The following CLPTM1L variants were observed in gnomAD, a reference collection of about 807,000 sequenced individuals.
The protein encoded by CLPTM1L is CLPTM1 like, also known as lipid scramblase CLPTM1L.
In CLPTM1L, 38 loss-of-function variants were observed where a neutral mutation model predicts 70.9. That is an observed-to-expected ratio of 0.54 (90% CI 0.41 to 0.70). CLPTM1L has a LOEUF of 0.70. Among genes scored for constraint, CLPTM1L ranks in the 30% least tolerant of loss-of-function variants. The pLI is 0.00. For missense variants in CLPTM1L, 652 were observed against 705.9 expected, an observed-to-expected ratio of 0.92 and a Z score of 0.87; for synonymous variants, 339 against 299.9, an observed-to-expected ratio of 1.13 and a Z score of -1.35.
At position 1,344,950 on chromosome 5, in the gene CLPTM1L, C is replaced by T. The variant is rs1195966098; in HGVS notation, c.-109G>A. The T allele has an allele frequency of 1.8e-6, 1 of 560,230 alleles. No homozygotes were observed. The highest frequency in any genetic ancestry group is 2.3e-6 in the Non-Finnish European group (1 of 442,990). 34.7% of individuals were successfully genotyped at this position (560,230 alleles called of 1,614,324 possible). A position where few individuals can be genotyped will look rare whatever the true frequency, so the allele number is the denominator to read the frequency against. Reference sequence around the variant, plus strand: ...GCTCCGCCGCTCACTGGAGAGCCGCCGCGCGCCACCGCCACCGCCGCGGGG... The same window carrying T: ...GCTCCGCCGCTCACTGGAGAGCCGCTGCGCGCCACCGCCACCGCCGCGGGG... On this transcript the variant is annotated 5_prime_UTR_variant, in exon 1 of 17. Coordinates refer to ENST00000320895, the MANE Select transcript of CLPTM1L (RefSeq NM_030782.5).
chr5:1,340,467 C>T (rs1481230870), intron 3 of CLPTM1L, among the ~76,000 whole-genome samples: 1 of 152,198 alleles, frequency 6.6e-6, no homozygotes, highest in Non-Finnish European at 1.5e-5. Context: ...TGCAGTTTAG[C>T]GATAATTTAC....
chr5:1,343,120 AC>A (rs1310091357), intron 2 of CLPTM1L, among the ~76,000 whole-genome samples: 1 of 152,080 alleles, frequency 6.6e-6, no homozygotes, highest in Non-Finnish European at 1.5e-5. Flanking sequence ...GAACCCGGGA[AC>A]CGGAGGTTGC....
At chr5:1,327,073 G>C (rs1307106117) in intron 9 of CLPTM1L, among the ~76,000 whole-genome samples, 1 of 81,434 alleles carries the variant, frequency 1.2e-5, no homozygotes, top group Non-Finnish European at 2.5e-5. Flanking sequence ...GCTCCTCCTC[G>C]ACAGGGACAT....
chr5:1,323,691 G>C, intron 12 of CLPTM1L, 96 bp downstream of exon 12: 1 of 1,024,186 alleles, frequency 9.8e-7, no homozygotes, highest in South Asian at 1.4e-5. Context: ...CCCCGGCCCC[G>C]AGTTTGCCCT....
In CLPTM1L at chr5:1,342,042, A is replaced by ATGTGTGTGTG. The variant is rs1560873128; in HGVS notation, c.264-183_264-182insCACACACACA. Among the ~76,000 whole-genome samples, 3 of 146,656 alleles carry ATGTGTGTGTG rather than the reference A, an allele frequency of 2.0e-5. No individual in the cohort carries two copies. Among genetic ancestry groups the ATGTGTGTGTG allele is most frequent in the Admixed American group, 6.7e-5 (1 of 14,838 alleles). On this transcript the variant is annotated intron_variant, in intron 2 of 16. Coordinates refer to ENST00000320895, the MANE Select transcript of CLPTM1L (RefSeq NM_030782.5). This position sits in a 1 kb window ranked among gnomAD's most constrained non-coding sequence, Gnocchi z 4.3. Reference sequence around the variant, plus strand: ...TGTGTGTGTGTGTGTGTGTGTGTGCACGCGCACGCGTGCGCGTCCTGAGAA... The same window carrying ATGTGTGTGTG: ...TGTGTGTGTGTGTGTGTGTGTGTGCATGTGTGTGTGCGCGCACGCGTGCGCGTCCTGAGAA...
At chr5:1,334,575 G>A (rs1753434275) in intron 6 of CLPTM1L, among the ~76,000 whole-genome samples, 192 bp from the exon 7 acceptor site, 1 of 152,124 alleles carries the variant, frequency 6.6e-6, no homozygotes, top group South Asian at 2.1e-4. Flanking sequence ...TAAACATGGT[G>A]AAACTCCATC....
At chr5:1,338,140 C>T (rs1247498128) in intron 4 of CLPTM1L, 158 bp from the exon 5 acceptor site, 21 of 651,066 alleles carry the variant, frequency 3.2e-5, no homozygotes, top group African/African-American at 1.3e-4. Flanking sequence ...CCTCCCCAAA[C>T]GGAAGCAGAG....
intron 3 of CLPTM1L, among the ~76,000 whole-genome samples, chr5:1,339,996 G>A (rs548982958): frequency 1.3e-5 from 2 of 152,244 alleles, no homozygotes; most frequent in South Asian, 4.1e-4. Flanking sequence ...AGATGGCCAC[G>A]CACAGGCACA....
rs1350089606 is a variant in CLPTM1L, at chr5:1,344,674, G to A, written c.162+6C>T. The A allele has an allele frequency of 6.4e-7, 1 of 1,550,642 alleles. No individual in the cohort carries two copies. The highest frequency in any genetic ancestry group is 2.0e-5 in the Admixed American group (1 of 51,110). On this transcript the variant is annotated splice_donor_region_variant and intron_variant, in intron 1 of 16. Transcript: ENST00000320895. ...CCGCCCGGCCCCCGGCCCCGCGGACGCTCACCTGCAGCTTGGGCCGCCGCG... is the reference window on the plus strand; with the variant it reads ...CCGCCCGGCCCCCGGCCCCGCGGACACTCACCTGCAGCTTGGGCCGCCGCG...
At chr5:1,322,776 A>T in intron 13 of CLPTM1L, 101 bp downstream of exon 13, 1 of 1,261,604 alleles carries the variant, frequency 7.9e-7, no homozygotes, top group Non-Finnish European at 1.2e-6. Flanking sequence ...ATTAGCCTCA[A>T]ATCACAGGGG....
At position 1,318,213 on chromosome 5, in the gene CLPTM1L, A is replaced by C; in HGVS notation, c.*156T>G. The C allele has an allele frequency of 1.6e-6, 1 of 639,472 alleles. No homozygotes were observed. Among genetic ancestry groups the C allele is most frequent in the Non-Finnish European group, 2.8e-6 (1 of 362,270 alleles). The allele number at this position is 639,472 out of a possible 1,614,324, so 39.6% of individuals were successfully genotyped here. ...GGCATCGTAAGCGCTACCAGCTCCA[A>C]ATCTGACGTGATGGGAACTTGGGAG... On this transcript the variant is annotated 3_prime_UTR_variant, in exon 17 of 17. Transcript: ENST00000320895. The surrounding 1 kb of genome is among the most constrained non-coding windows in gnomAD (Gnocchi z 8.9).
At chr5:1,339,085 G>A (rs1008934684) in intron 3 of CLPTM1L, 80 bp from the exon 4 acceptor site, 3 of 1,489,306 alleles carry the variant, frequency 2.0e-6, no homozygotes, top group East Asian at 2.4e-5. Context: ...CCTAACCTGC[G>A]AACAGAACGG....
rs1752493382 is a variant in CLPTM1L, at chr5:1,325,785, G to A, written c.1112C>T (p.Thr371Ile). The A allele has an allele frequency of 6.2e-7, 1 of 1,614,022 alleles. No homozygotes were observed. The highest frequency in any genetic ancestry group is 8.5e-7 in the Non-Finnish European group (1 of 1,179,944). The change falls in exon 10 of 17, where the codon ACT becomes ATT. Residue 371 changes from threonine (T) to isoleucine (I), a missense_variant. Transcript: ENST00000320895. ...GGGCATCAGGCCTCTCCAAAAAATA[G>A]TCATCTTCAATGCCTTCTTCACTTT... is the stretch of plus-strand genomic sequence containing the variant. The part of the protein sequence containing the change: ...LWKVKKALKM[T>I]IFWRGLMPEF...
In CLPTM1L at chr5:1,324,793, A is replaced by G. The variant is rs1359977986; in HGVS notation, c.1167T>C (p.Ser389=). The part of the protein sequence containing the change: ...PEFQFGTYSE[S]ERKTEEYDTQ... ...TATCGTACTCCTCGGTTTTCCTCTC[A>G]GATTCGCTGTAAGTGCCAAACTGTT... is the stretch of plus-strand genomic sequence containing the variant. The change falls in exon 11 of 17, where the codon TCT becomes TCC. Residue 389 remains serine, a synonymous_variant. Transcript: ENST00000320895. 6.2e-7 allele frequency: 1 copy of G among 1,614,140 alleles called. No individual in the cohort carries two copies. The highest frequency in any genetic ancestry group is 2.2e-5 in the East Asian group (1 of 44,880).
At chr5:1,330,222 C>A (rs1752993029) in intron 9 of CLPTM1L, 58 bp downstream of exon 9, 10 of 1,426,696 alleles carry the variant, frequency 7.0e-6, no homozygotes, top group Non-Finnish European at 9.9e-6. Context: ...GAAAGCCTTT[C>A]CTGAGTGCGT....
At chr5:1,332,815 T>C (rs114792992) in intron 7 of CLPTM1L, among the ~76,000 whole-genome samples, 427 of 152,368 alleles carry the variant, frequency 2.8e-3, no homozygotes, top group African/African-American at 9.4e-3. Flanking sequence ...AACCATTACA[T>C]AATACATATA....
chr5:1,334,011 C>A (rs1393482750), intron 7 of CLPTM1L, among the ~76,000 whole-genome samples: 1 of 152,096 alleles, frequency 6.6e-6, no homozygotes, highest in African/African-American at 2.4e-5. Context: ...TACCCTGGAT[C>A]CTTTTCAAAA....
rs1318547594 is a variant in CLPTM1L, at chr5:1,338,895, G to C, written c.564C>G (p.Ser188=). The C allele has an allele frequency of 6.2e-7, 1 of 1,613,236 alleles. No homozygotes were observed. Among genetic ancestry groups the C allele is most frequent in the Non-Finnish European group, 8.5e-7 (1 of 1,180,054 alleles). The change falls in exon 4 of 17, where the codon TCC becomes TCG. Residue 188 remains serine, a synonymous_variant. Transcript: ENST00000320895. ...ACCGATGCACATCGGCAGGCAGGGA[G>C]GACCCGTCAAAGACAAAGTTGTCCG... is the stretch of plus-strand genomic sequence containing the variant. ...VMADNFVFDG[S]SLPADVHRYM... is the part of the protein sequence containing the mutation.
intron 3 of CLPTM1L, among the ~76,000 whole-genome samples, chr5:1,339,974 T>A (rs1333425957): frequency 1.3e-5 from 2 of 152,206 alleles, no homozygotes; most frequent in Non-Finnish European, 2.9e-5. Flanking sequence ...GTCGGCACCC[T>A]AACCTGTGAA....
Sources: gnomAD v4.1 joint callset for allele counts (sites outside exome capture counted in the v4.1 genomes callset) on GRCh38, gnomAD v4.1.1 for gene constraint, Gnocchi (gnomAD v3.1) non-coding constraint, MANE v1.5 for transcripts, NCBI Gene and HGNC (gene_info 2026-07-23, HGNC 2026-07-21) for gene names.